Variants in GREM2 observed in about 807,000 individuals in gnomAD.
GREM2 encodes gremlin-2.
A neutral mutation model predicts 14.2 loss-of-function variants in GREM2; 11 were observed. That is an observed-to-expected ratio of 0.78 (90% confidence interval 0.49 to 1.28). GREM2 has a LOEUF of 1.28. GREM2 is among the 50% of genes most tolerant of loss of function. GREM2 has a pLI of 0.00. For synonymous variants in GREM2, 98 were observed against 97.6 expected (o/e 1.00, Z -0.02); for missense variants, 210 against 218.5 (o/e 0.96, Z 0.24).
In GREM2 at chr1:240,492,674, C is replaced by G. The variant is rs1368489980; in HGVS notation, c.*295G>C. ...TTACAGTGCATCACCTCGAAAGGTC[C>G]TCTCTGACTGCTGGGTGGCGGTGGT... On this transcript the variant is annotated 3_prime_UTR_variant, in exon 2 of 2. Coordinates refer to ENST00000318160, the MANE Select transcript of GREM2 (RefSeq NM_022469.4). 8.2e-6 allele frequency: 2 copies of G among 243,728 alleles called. No homozygotes were observed. Among genetic ancestry groups the G allele is most frequent in the Non-Finnish European group, 1.6e-5 (2 of 127,714 alleles). The allele number at this position is 243,728 out of a possible 1,614,324, so 15.1% of individuals were successfully genotyped here.
At chr1:240,610,659 C>A (rs779927689) in intron 1 of GREM2, among the ~76,000 whole-genome samples, 1 of 152,146 alleles carries the variant, frequency 6.6e-6, no homozygotes, top group Admixed American at 6.5e-5. Context: ...AATGGTGAGT[C>A]GATTGCGAAT....
intron 1 of GREM2, among the ~76,000 whole-genome samples, chr1:240,506,974 G>A (rs1220827462): frequency 6.6e-6 from 1 of 152,196 alleles, no homozygotes; most frequent in Non-Finnish European, 1.5e-5. Flanking sequence ...AATGAAGAAG[G>A]GGGACATCTA....
chr1:240,565,625 C>A (rs1352652876), intron 1 of GREM2, among the ~76,000 whole-genome samples: 1 of 152,018 alleles, frequency 6.6e-6, no homozygotes, highest in Non-Finnish European at 1.5e-5. Flanking sequence ...GGTGGGCAGA[C>A]TGCCTGAGCT....
chr1:240,575,160 G>A (rs1305185709), intron 1 of GREM2, among the ~76,000 whole-genome samples: 2 of 151,776 alleles, frequency 1.3e-5, no homozygotes, highest in African/African-American at 2.4e-5. Flanking sequence ...GATCCTTAGC[G>A]CTGCTACCCA....
At chr1:240,583,374 C>G (rs1386372083) in intron 1 of GREM2, among the ~76,000 whole-genome samples, 3 of 152,054 alleles carry the variant, frequency 2.0e-5, no homozygotes, top group Non-Finnish European at 2.9e-5. Context: ...TGACAAATGG[C>G]CAATTTACTT....
chr1:240,530,857 T>C (rs1678339453), intron 1 of GREM2: 1 of 152,122 alleles, frequency 6.6e-6, no homozygotes. Flanking sequence ...ATTCACTTTG[T>C]CTAGCAATCA....
intron 1 of GREM2, among the ~76,000 whole-genome samples, chr1:240,599,785 C>A (rs1001641956): frequency 2.6e-5 from 4 of 152,318 alleles, no homozygotes; most frequent in East Asian, 1.9e-4. Flanking sequence ...ATCACACCAG[C>A]TGAAGGCATC....
chr1:240,577,151 C>A (rs975766315), intron 1 of GREM2, among the ~76,000 whole-genome samples: 4 of 152,122 alleles, frequency 2.6e-5, no homozygotes, highest in African/African-American at 9.7e-5. Context: ...AGGATCTTTT[C>A]TTTAACTGAG....
At chr1:240,610,304 T>A (rs75159976) in intron 1 of GREM2, among the ~76,000 whole-genome samples, 4,889 of 97,216 alleles carry the variant, frequency 0.05, 248 homozygotes, top group African/African-American at 0.12. Flanking sequence ...GGAAAAAAAA[T>A]TTATCTATAA....
At chr1:240,547,408 G>T (rs993018757) in intron 1 of GREM2, among the ~76,000 whole-genome samples, 8 of 150,870 alleles carry the variant, frequency 5.3e-5, no homozygotes, top group Non-Finnish European at 1.2e-4. Context: ...GCTGAGGCAG[G>T]AGAATCGCTT....
chr1:240,514,139 C>T (rs574137196), intron 1 of GREM2, among the ~76,000 whole-genome samples: 5 of 147,478 alleles, frequency 3.4e-5, no homozygotes, highest in African/African-American at 7.5e-5. Context: ...CCCAGTTACT[C>T]GGGAGGCTGA....
intron 1 of GREM2, among the ~76,000 whole-genome samples, chr1:240,517,562 C>T (rs1677980472): frequency 6.6e-6 from 1 of 152,140 alleles, no homozygotes; most frequent in African/African-American, 2.4e-5. Context: ...ATTCTTACTC[C>T]TTAGTGGGCT....
chr1:240,510,126 T>C (rs1231843575), intron 1 of GREM2, among the ~76,000 whole-genome samples: 2 of 152,010 alleles, frequency 1.3e-5, no homozygotes, highest in South Asian at 2.1e-4. Flanking sequence ...TCCCAGCACT[T>C]TGGGAGGCCG....
At chr1:240,605,418 A>T (rs1242168208) in intron 1 of GREM2, among the ~76,000 whole-genome samples, 1 of 152,272 alleles carries the variant, frequency 6.6e-6, no homozygotes, top group East Asian at 1.9e-4. Context: ...TTGAGGCTGC[A>T]GTGAGTCGAG....
At chr1:240,576,802 A>G (rs1247804145) in intron 1 of GREM2, among the ~76,000 whole-genome samples, 1 of 152,166 alleles carries the variant, frequency 6.6e-6, no homozygotes, top group Non-Finnish European at 1.5e-5. Flanking sequence ...ATTAAACTCA[A>G]TGAGTTTAAA....
intron 1 of GREM2, among the ~76,000 whole-genome samples, chr1:240,572,533 G>C (rs766029471): frequency 6.6e-6 from 1 of 152,202 alleles, no homozygotes; most frequent in Non-Finnish European, 1.5e-5. Context: ...TATGTCAACA[G>C]AGGGAAAACA....
chr1:240,565,174 G>A (rs754162830), intron 1 of GREM2, among the ~76,000 whole-genome samples: 54 of 152,104 alleles, frequency 3.6e-4, no homozygotes, highest in Non-Finnish European at 3.5e-4. Flanking sequence ...GTGATTGTGG[G>A]GTTTGGAGAT....
In GREM2 at chr1:240,493,188, G is replaced by C; in HGVS notation, c.288C>G (p.Phe96Leu). The C allele has an allele frequency of 6.2e-7, 1 of 1,614,196 alleles. No homozygotes were observed. The highest frequency in any genetic ancestry group is 8.5e-7 in the Non-Finnish European group (1 of 1,180,032). Residue 96 changes from phenylalanine (F) to leucine (L), a missense_variant, in exon 2 of 2, where the codon TTC becomes TTG. Phe to Leu is a conservative substitution (Grantham distance 22, BLOSUM62 0). Transcript: ENST00000318160. The stretch of plus-strand genomic sequence containing the variant: ...AGAAGGAGTTGCACTGGCCGTAGCA[G>C]AAGCGGTTGAGGATGGTGCGGCTCC... Reference protein sequence around the residue: ...GCRSRTILNRFCYGQCNSFYI... With the variant: ...GCRSRTILNRLCYGQCNSFYI...
At chr1:240,504,542 A>T (rs1677640035) in intron 1 of GREM2, among the ~76,000 whole-genome samples, 1 of 152,208 alleles carries the variant, frequency 6.6e-6, no homozygotes, top group Non-Finnish European at 1.5e-5. Flanking sequence ...TGCACTTGAC[A>T]GAAGAAAGTG....
Sources: allele counts gnomAD v4.1 joint callset (sites outside exome capture counted in the v4.1 genomes callset), GRCh38; gene constraint gnomAD v4.1.1; transcripts MANE v1.5; gene names NCBI Gene and HGNC (gene_info 2026-07-23, HGNC 2026-07-21).